SLC44A1: variants seen among roughly 807,000 people sequenced by gnomAD.
SLC44A1 encodes choline transporter-like protein 1.
In SLC44A1, 26 loss-of-function variants were observed where a neutral mutation model predicts 79.3. That is an observed-to-expected ratio of 0.33 (90% CI 0.24 to 0.46). The LOEUF (loss-of-function observed/expected upper bound fraction) is 0.46. SLC44A1 is among the 20% of genes least tolerant of loss of function. The probability of loss-of-function intolerance (pLI) is 1.00; values close to 1 mark genes in which losing one functional copy is unlikely to be tolerated. For synonymous variants in SLC44A1, 263 were observed against 286.2 expected, an observed-to-expected ratio of 0.92 and a Z score of 0.82; for missense variants, 688 against 798.1, an observed-to-expected ratio of 0.86 and a Z score of 1.66.
chr9:105,295,813 T>C (rs1362964733), intron 1 of SLC44A1, among the ~76,000 whole-genome samples: 4 of 152,302 alleles, frequency 2.6e-5, no homozygotes, highest in East Asian at 3.9e-4. Context: ...CTTAGGCTGA[T>C]TATTTAACTT....
intron 7 of SLC44A1, among the ~76,000 whole-genome samples, chr9:105,360,599 G>A (rs570353718): frequency 6.6e-5 from 10 of 152,200 alleles, no homozygotes; most frequent in African/African-American, 2.2e-4. Context: ...TCTCTCAACC[G>A]GTGTTGGAGA....
chr9:105,316,572 AC>A (rs1413536334), intron 3 of SLC44A1, among the ~76,000 whole-genome samples: 2 of 152,186 alleles, frequency 1.3e-5, no homozygotes, highest in African/African-American at 2.4e-5. Flanking sequence ...TATATACATT[AC>A]TTGGGTAATG....
At chr9:105,257,721 A>G (rs1215900163) in intron 1 of SLC44A1, among the ~76,000 whole-genome samples, 2 of 152,222 alleles carry the variant, frequency 1.3e-5, no homozygotes, top group Non-Finnish European at 2.9e-5. Flanking sequence ...GTTTAGAAAA[A>G]GTGAAGGGCA....
At position 105,362,874 on chromosome 9, in the gene SLC44A1, C is replaced by A. The variant is rs139580101; in HGVS notation, c.954C>A (p.Ile318=). ...LVMRKRVALT[I]ALFHVAGKVF... ...TGCGCAAACGTGTTGCTCTTACCAT[C>A]GCCTTGTTCCACGTAGCTGGCAAGG... The change falls in exon 9 of 16, where the codon ATC becomes ATA. Residue 318 remains isoleucine, a synonymous_variant. Transcript: ENST00000374720. The A allele has an allele frequency of 5.7e-4, 913 of 1,613,284 alleles. 6 individuals carry two copies. In the African/African-American group the frequency reaches 0.01, roughly 18 times the overall value.
intron 5 of SLC44A1, among the ~76,000 whole-genome samples, chr9:105,354,901 A>G (rs916062688): frequency 3.3e-5 from 5 of 152,212 alleles, no homozygotes; most frequent in African/African-American, 1.2e-4. Context: ...CTTTGCTGAG[A>G]TTAGAAACCT....
chr9:105,391,013 A>G lies in SLC44A1; in HGVS notation c.*1957A>G, dbSNP rs1226374894. 1.0e-6 allele frequency: 1 copy of G among 985,534 alleles called. No homozygotes were observed. The highest frequency in any genetic ancestry group is 1.2e-6 in the Non-Finnish European group (1 of 829,720). The allele number at this position is 985,534 out of a possible 1,614,324, so 61.0% of individuals were successfully genotyped here. ...ATCATGTGAGAAAATTCAGAATACC[A>G]TCTGTTTCATAGCCGCACAGATTTT... On this transcript the variant is annotated 3_prime_UTR_variant, in exon 16 of 16. Coordinates refer to ENST00000374720, the MANE Select transcript of SLC44A1 (RefSeq NM_080546.5).
chr9:105,244,868 C>T lies in SLC44A1; in HGVS notation c.-1C>T, dbSNP rs2131182121. ...CGCCTCCGGGCTCCTTCGGCCCCGC[C>T]ATGGGCTGCTGCAGCTCCGCCTCCT... On this transcript the variant is annotated 5_prime_UTR_variant, in exon 1 of 16. Coordinates refer to ENST00000374720, the MANE Select transcript of SLC44A1 (RefSeq NM_080546.5). 4.3e-6 allele frequency: 5 copies of T among 1,156,818 alleles called. No homozygotes were observed. Among genetic ancestry groups the T allele is most frequent in the Non-Finnish European group, 5.3e-6 (5 of 941,310 alleles). 71.7% of individuals were successfully genotyped at this position (1,156,818 alleles called of 1,614,324 possible).
intron 3 of SLC44A1, among the ~76,000 whole-genome samples, chr9:105,318,199 A>C (rs1177665841): frequency 6.6e-6 from 1 of 151,866 alleles, no homozygotes; most frequent in Non-Finnish European, 1.5e-5. Context: ...TTGTTTTTTG[A>C]GATGGAGTCT....
chr9:105,404,699 T>C (rs1459101254), intron 15 of SLC44A1, among the ~76,000 whole-genome samples: 2 of 152,210 alleles, frequency 1.3e-5, no homozygotes, highest in African/African-American at 4.8e-5. Flanking sequence ...GTTATCTCCT[T>C]ATTTTCTGAT....
chr9:105,421,673 C>G (rs1214444733), intron 15 of SLC44A1, among the ~76,000 whole-genome samples: 3 of 151,424 alleles, frequency 2.0e-5, no homozygotes, highest in Non-Finnish European at 4.4e-5. Flanking sequence ...CTGCAAGCTC[C>G]GCTTCCTGGG....
intron 11 of SLC44A1, 49 bp from the exon 12 acceptor site, chr9:105,366,297 C>T (rs1564461513): frequency 1.1e-6 from 1 of 951,222 alleles, no homozygotes; most frequent in Non-Finnish European, 1.5e-6. Context: ...TTCTATGTGA[C>T]AGTTTGATTC....
At chr9:105,343,602 C>A (rs1045108388) in intron 4 of SLC44A1, among the ~76,000 whole-genome samples, 1 of 152,148 alleles carries the variant, frequency 6.6e-6, no homozygotes, top group African/African-American at 2.4e-5. Flanking sequence ...ATGATCAACT[C>A]TAGCAACCGA....
At chr9:105,416,549 C>T (rs1291257768) in intron 15 of SLC44A1, among the ~76,000 whole-genome samples, 3 of 152,160 alleles carry the variant, frequency 2.0e-5, no homozygotes, top group Non-Finnish European at 4.4e-5. Flanking sequence ...CTTCCAAATC[C>T]TCCACAGACA....
intron 15 of SLC44A1, among the ~76,000 whole-genome samples, chr9:105,404,197 T>C (rs573655454): frequency 8.1e-4 from 108 of 133,772 alleles, no homozygotes; most frequent in Admixed American, 7.4e-3. Flanking sequence ...ATTGTGCCAC[T>C]GCACTCCAGC....
intron 1 of SLC44A1, among the ~76,000 whole-genome samples, chr9:105,263,828 C>T (rs565884115): frequency 3.9e-5 from 6 of 152,202 alleles, no homozygotes; most frequent in African/African-American, 9.6e-5. Context: ...TGAGCCACTG[C>T]GCCCAGCTCA....
Position 105,390,881 on chromosome 9 carries a change from T to C in SLC44A1, c.*1825T>C, listed in dbSNP as rs1564047163. 1 of 984,916 alleles carries C rather than the reference T, an allele frequency of 1.0e-6. No homozygotes were observed. The highest frequency in any genetic ancestry group is 1.1e-4 in the East Asian group (1 of 8,816). The allele number at this position is 984,916 out of a possible 1,614,324, so 61.0% of individuals were successfully genotyped here. On this transcript the variant is annotated 3_prime_UTR_variant, in exon 16 of 16. Coordinates refer to ENST00000374720, the MANE Select transcript of SLC44A1 (RefSeq NM_080546.5). ...TTTGAAAGAATAATTCTCCAGAAGT[T>C]AACATCTAATATCTAGTATCACCAA...
chr9:105,334,275 A>G (rs1383905365), intron 3 of SLC44A1, among the ~76,000 whole-genome samples: 1 of 150,148 alleles, frequency 6.7e-6, no homozygotes, highest in Non-Finnish European at 1.5e-5. Flanking sequence ...GTTATACCTG[A>G]CCTTCATGCC....
Position 105,301,161 on chromosome 9 carries a change from A to T in SLC44A1, c.126+1852A>T, listed in dbSNP as rs541782360. Reference sequence around the variant, plus strand: ...GACAAATAGCAGCTGACCTTTCAAAATTGTTTACAAAAACATGTACCATGC... The same window carrying T: ...GACAAATAGCAGCTGACCTTTCAAATTTGTTTACAAAAACATGTACCATGC... On this transcript the variant is annotated intron_variant, in intron 2 of 15. Coordinates refer to ENST00000374720, the MANE Select transcript of SLC44A1 (RefSeq NM_080546.5). Among the ~76,000 whole-genome samples, 44 of 152,306 alleles carry T rather than the reference A, an allele frequency of 2.9e-4. 1 individual carries two copies. Among genetic ancestry groups the T allele is most frequent in the African/African-American group, 1.0e-3 (43 of 41,576 alleles).
chr9:105,425,187 C>G (rs10991656), intron 15 of SLC44A1, among the ~76,000 whole-genome samples: 9 of 152,060 alleles, frequency 5.9e-5, no homozygotes, highest in Admixed American at 5.2e-4. Context: ...TAATACCCAT[C>G]GAACACACTA....
Sources: gnomAD v4.1 joint callset for allele counts (sites outside exome capture counted in the v4.1 genomes callset) on GRCh38, gnomAD v4.1.1 for gene constraint, MANE v1.5 for transcripts, NCBI Gene and HGNC (gene_info 2026-07-23, HGNC 2026-07-21) for gene names.